The following SYNPO2 variants were observed in gnomAD, a reference collection of about 807,000 sequenced individuals.
SYNPO2 encodes the protein synaptopodin-2.
SYNPO2 carries 56 observed loss-of-function variants against 85.0 expected under a neutral mutation model. The ratio of observed to expected loss-of-function variants is 0.66; its 90% CI spans 0.53 to 0.82. The LOEUF (loss-of-function observed/expected upper bound fraction) is 0.82. SYNPO2 is among the 40% of genes least tolerant of loss of function. The pLI, the probability that SYNPO2 is intolerant of heterozygous loss-of-function variation, is 0.00. For missense variants in SYNPO2, 1,575 were observed against 1,534.2 expected, an observed-to-expected ratio of 1.03 and a Z score of -0.44; for synonymous variants, 602 against 591.1, an observed-to-expected ratio of 1.02 and a Z score of -0.27.
chr4:118,898,869 C>T (rs1732633040), intron 1 of SYNPO2, among the ~76,000 whole-genome samples: 1 of 152,194 alleles, frequency 6.6e-6, no homozygotes, highest in African/African-American at 2.4e-5. Context: ...ACTGTTCCTC[C>T]CTGGTTGCTT....
At chr4:118,901,791 G>A (rs1732765664) in intron 1 of SYNPO2, among the ~76,000 whole-genome samples, 1 of 152,240 alleles carries the variant, frequency 6.6e-6, no homozygotes, top group Non-Finnish European at 1.5e-5. Flanking sequence ...CCAAAGCACT[G>A]TGGGAAGTAC....
chr4:118,877,471 G>T (rs1377417758), intron 1 of SYNPO2, among the ~76,000 whole-genome samples: 2 of 152,130 alleles, frequency 1.3e-5, no homozygotes, highest in Admixed American at 6.5e-5. Context: ...TCTGACAAAG[G>T]TCTAATAAGA....
intron 1 of SYNPO2, among the ~76,000 whole-genome samples, chr4:118,875,418 T>C (rs747192486): frequency 1.1e-4 from 17 of 152,216 alleles, no homozygotes; most frequent in Non-Finnish European, 2.4e-4. Context: ...TCAAAATTAG[T>C]TTTTTAATAT....
At chr4:118,930,066 A>C (rs1006292044) in intron 1 of SYNPO2, among the ~76,000 whole-genome samples, 8 of 152,160 alleles carry the variant, frequency 5.3e-5, no homozygotes, top group African/African-American at 1.9e-4. Context: ...TTTAAATAAC[A>C]TTGTATTAGG....
intron 1 of SYNPO2, among the ~76,000 whole-genome samples, chr4:118,977,862 T>C (rs908418714): frequency 7.2e-5 from 11 of 152,250 alleles, no homozygotes; most frequent in Non-Finnish European, 2.9e-5. Flanking sequence ...TGTAGGTTTA[T>C]GGCATTGCCA....
chr4:119,050,637 G>A (rs4833604), intron 4 of SYNPO2, among the ~76,000 whole-genome samples: 75,425 of 152,000 alleles, frequency 0.5, 19,000 homozygotes, highest in South Asian at 0.6. Context: ...TATTTTTAAA[G>A]GCAGAGGTAG....
chr4:118,927,692 A>G (rs1185671015), intron 1 of SYNPO2, among the ~76,000 whole-genome samples: 8 of 138,212 alleles, frequency 5.8e-5, no homozygotes, highest in Non-Finnish European at 9.3e-5. Context: ...TTGTTATTAA[A>G]CAATGAGATA....
At chr4:118,929,662 C>T (rs1374984261) in intron 1 of SYNPO2, among the ~76,000 whole-genome samples, 1 of 151,926 alleles carries the variant, frequency 6.6e-6, no homozygotes, top group Non-Finnish European at 1.5e-5. Flanking sequence ...AATTATCTCC[C>T]AAGGCTCTAC....
intron 3 of SYNPO2, among the ~76,000 whole-genome samples, chr4:119,027,833 G>A (rs1417148991): frequency 2.6e-5 from 4 of 152,084 alleles, no homozygotes; most frequent in African/African-American, 9.7e-5. Context: ...GTCTGCTACT[G>A]AGAGGTGTCT....
At chr4:118,958,505 CTG>C (rs1560910239) in intron 1 of SYNPO2, among the ~76,000 whole-genome samples, 2 of 152,148 alleles carry the variant, frequency 1.3e-5, no homozygotes, top group African/African-American at 4.8e-5. Flanking sequence ...TCTTAAGTTA[CTG>C]TGTTTACCCG....
chr4:118,992,494 GCCTCTGGAAAGCTC>G (rs1316578406), intron 1 of SYNPO2, among the ~76,000 whole-genome samples: 1 of 152,122 alleles, frequency 6.6e-6, no homozygotes, highest in African/African-American at 2.4e-5. Flanking sequence ...TTGTCAGGTA[GCCTCTGGAAAGCTC>G]CCCTGTATAC....
At chr4:118,902,684 T>C (rs557578940) in intron 1 of SYNPO2, among the ~76,000 whole-genome samples, 1 of 152,274 alleles carries the variant, frequency 6.6e-6, no homozygotes, top group South Asian at 2.1e-4. Flanking sequence ...ATGTAACAAT[T>C]CTGATACAAA....
chr4:118,975,919 C>G (rs1158889049), intron 1 of SYNPO2, among the ~76,000 whole-genome samples: 2 of 152,210 alleles, frequency 1.3e-5, no homozygotes, highest in African/African-American at 4.8e-5. Flanking sequence ...CCTTACTTTC[C>G]TCAAAGTCAG....
At chr4:119,042,693 C>T (rs543931837) in intron 4 of SYNPO2, 2 of 152,090 alleles carry the variant, frequency 1.3e-5, no homozygotes, top group Non-Finnish European at 2.9e-5. Flanking sequence ...TTAATCTTGG[C>T]AAATAGAGTA....
At chr4:118,961,663 C>T (rs1030623175) in intron 1 of SYNPO2, among the ~76,000 whole-genome samples, 5 of 152,114 alleles carry the variant, frequency 3.3e-5, no homozygotes, top group East Asian at 1.9e-4. Context: ...TCTCTAAATT[C>T]GTAAAGCTCT....
chr4:119,007,284 ATATATATATATATGTATATACACG>A (rs1323552958), intron 1 of SYNPO2, among the ~76,000 whole-genome samples: 2 of 73,646 alleles, frequency 2.7e-5, no homozygotes, highest in Non-Finnish European at 5.2e-5. Flanking sequence ...ATGTATATAC[ATATATATATATATGTATATACACG>A]CACATATAGG....
chr4:118,892,459 C>T (rs1411192687), intron 1 of SYNPO2, among the ~76,000 whole-genome samples: 2 of 152,144 alleles, frequency 1.3e-5, no homozygotes, highest in South Asian at 2.1e-4. Context: ...GAAAACCCCA[C>T]TGTGTGTGCA....
rs779070957 is a variant in SYNPO2 at position 119,031,370 on chromosome 4, T to C, written c.2595T>C (p.Leu865=). 6.2e-7 allele frequency: 1 copy of C among 1,614,122 alleles called. No individual in the cohort carries two copies. Among genetic ancestry groups the C allele is most frequent in the Non-Finnish European group, 8.5e-7 (1 of 1,180,026 alleles). ...QPGAVGPSNE[L]PGMSGRGAQL... ...GTGCAGTGGGACCATCCAATGAGCTTCCAGGAATGAGTGGGAGAGGAGCTC... is the reference window on the plus strand; with the variant it reads ...GTGCAGTGGGACCATCCAATGAGCTCCCAGGAATGAGTGGGAGAGGAGCTC... The change falls in exon 4 of 5, where the codon CTT becomes CTC. Residue 865 remains leucine, a synonymous_variant. Transcript: ENST00000307142.
At chr4:118,869,592 G>T (rs1394844037) in intron 1 of SYNPO2, among the ~76,000 whole-genome samples, 1 of 152,164 alleles carries the variant, frequency 6.6e-6, no homozygotes, top group Non-Finnish European at 1.5e-5. Flanking sequence ...AGAATTGGTT[G>T]ACTGGCCGTG....
Sources: allele counts gnomAD v4.1 joint callset (sites outside exome capture counted in the v4.1 genomes callset), GRCh38; gene constraint gnomAD v4.1.1; transcripts MANE v1.5; gene names NCBI Gene and HGNC (gene_info 2026-07-23, HGNC 2026-07-21).